Variants in POU2F1 observed in about 807,000 individuals in gnomAD.
POU2F1 encodes POU domain, class 2, transcription factor 1.
POU2F1 carries 16 observed loss-of-function variants against 84.9 expected under a neutral mutation model. The observed-to-expected ratio is 0.19, with a 90% CI of 0.13 to 0.29. The LOEUF is 0.29. Among genes scored for constraint, POU2F1 ranks in the 10% least tolerant of loss-of-function variants. POU2F1 has a pLI of 1.00. For missense variants in POU2F1, 738 were observed against 942.6 expected (o/e 0.78, Z 2.84); for synonymous variants, 368 against 368.3 (o/e 1.00, Z 0.01).
chr1:167,324,665 C>G (rs916561520), intron 1 of POU2F1, among the ~76,000 whole-genome samples: 1 of 152,174 alleles, frequency 6.6e-6, no homozygotes, highest in Admixed American at 6.5e-5. Context: ...CCAACCCCCA[C>G]CATACCTCGG....
intron 1 of POU2F1, among the ~76,000 whole-genome samples, chr1:167,224,941 G>A (rs1426019963): frequency 2.0e-5 from 3 of 149,374 alleles, no homozygotes; most frequent in African/African-American, 7.4e-5. Flanking sequence ...TGATTCTCCT[G>A]CCTCAGCCTC....
intron 13 of POU2F1, among the ~76,000 whole-genome samples, chr1:167,411,019 T>C (rs374122917): frequency 8.6e-4 from 131 of 152,180 alleles, no homozygotes; most frequent in African/African-American, 3.1e-3. Context: ...GGCACTTTTT[T>C]CTAAGACCTC....
At chr1:167,280,445 T>C (rs1653054118) in intron 1 of POU2F1, among the ~76,000 whole-genome samples, 1 of 151,860 alleles carries the variant, frequency 6.6e-6, no homozygotes. Flanking sequence ...CACTTCCCAC[T>C]AGTGAACATG....
Position 167,417,543 on chromosome 1 carries a change from T to A in POU2F1, c.*1733T>A, listed in dbSNP as rs571661781. 6.6e-6 allele frequency: 1 copy of A among 152,270 alleles called. No homozygotes were observed. Among genetic ancestry groups the A allele is most frequent in the African/African-American group, 2.4e-5 (1 of 41,550 alleles). 9.4% of individuals were successfully genotyped at this position (152,270 alleles called of 1,614,324 possible). A position where few individuals can be genotyped will look rare whatever the true frequency, so the allele number is the denominator to read the frequency against. Reference sequence around the variant, plus strand: ...TTGTTATGCCATCTGTACCAAAAAATTTTCCAAAAGACTGGATCACTGCAG... The same window carrying A: ...TTGTTATGCCATCTGTACCAAAAAAATTTCCAAAAGACTGGATCACTGCAG... On this transcript the variant is annotated 3_prime_UTR_variant, in exon 16 of 16. Coordinates refer to ENST00000367866, the MANE Select transcript of POU2F1 (RefSeq NM_002697.4).
intron 1 of POU2F1, among the ~76,000 whole-genome samples, chr1:167,233,138 A>C (rs955017874): frequency 7.1e-6 from 1 of 140,588 alleles, no homozygotes; most frequent in East Asian, 2.0e-4. Flanking sequence ...TTATTTTTTA[A>C]TTTTTTTTTT....
rs1218319911 is a variant in POU2F1 at position 167,368,143 on chromosome 1, A to G, written c.229-2018A>G. Among the ~76,000 whole-genome samples the G allele has an allele frequency of 2.0e-5, 3 of 152,134 alleles. No homozygotes were observed. In the East Asian group the frequency reaches 5.8e-4, roughly 29 times the overall value. ...AGTCCATACTTTGCGTTTAGCTGTC[A>G]TGTCTGTTAAGTCTTCTTCAATCCA... On this transcript the variant is annotated intron_variant, in intron 3 of 15. Transcript: ENST00000367866.
rs73022217 is a variant in POU2F1, at chr1:167,287,967, C to T, written c.62-44503C>T. On this transcript the variant is annotated intron_variant, in intron 1 of 15. Coordinates refer to ENST00000367866, the MANE Select transcript of POU2F1 (RefSeq NM_002697.4). ...AGTAGCGATGATGGAAGCCTAAAGA[C>T]GATCAAGTTATAAAATACTGAGAAA... Among the ~76,000 whole-genome samples, 1,444 of 152,280 alleles carry T rather than the reference C, an allele frequency of 9.5e-3. 30 individuals are homozygous for T. Among genetic ancestry groups the T allele is most frequent in the African/African-American group, 0.033 (1,353 of 41,546 alleles).
chr1:167,406,451 T>C (rs1051896566), intron 13 of POU2F1, among the ~76,000 whole-genome samples: 7 of 152,176 alleles, frequency 4.6e-5, no homozygotes, highest in Admixed American at 4.6e-4. Flanking sequence ...CCCACTAAGA[T>C]TGAGAATTAG....
chr1:167,244,548 A>G, intron 1 of POU2F1, among the ~76,000 whole-genome samples: 1 of 152,212 alleles, frequency 6.6e-6, no homozygotes, highest in East Asian at 1.9e-4. Flanking sequence ...ACCTAATTGC[A>G]GAAGTGACAT....
chr1:167,324,113 A>C (rs1485585617), intron 1 of POU2F1, among the ~76,000 whole-genome samples: 2 of 152,230 alleles, frequency 1.3e-5, no homozygotes, highest in Non-Finnish European at 2.9e-5. Flanking sequence ...ATTACTAAAA[A>C]ATACTGAATT....
chr1:167,407,241 G>C (rs1181394806), intron 13 of POU2F1, among the ~76,000 whole-genome samples: 1 of 151,956 alleles, frequency 6.6e-6, no homozygotes, highest in Non-Finnish European at 1.5e-5. Flanking sequence ...TATTGCCCAG[G>C]CTGGTCTCGA....
chr1:167,375,831 G>A (rs1204489376), intron 6 of POU2F1, among the ~76,000 whole-genome samples, 198 bp from the exon 7 acceptor site: 1 of 152,156 alleles, frequency 6.6e-6, no homozygotes, highest in Non-Finnish European at 1.5e-5. Flanking sequence ...CACAAAAATA[G>A]TCAGTTGCAG....
At chr1:167,236,103 T>G (rs1345107509) in intron 1 of POU2F1, among the ~76,000 whole-genome samples, 2 of 152,148 alleles carry the variant, frequency 1.3e-5, no homozygotes, top group Non-Finnish European at 2.9e-5. Flanking sequence ...TTACTCTAAT[T>G]TGGACATCTT....
At chr1:167,302,286 G>C (rs1571259593) in intron 1 of POU2F1, among the ~76,000 whole-genome samples, 1 of 148,520 alleles carries the variant, frequency 6.7e-6, no homozygotes, top group East Asian at 2.0e-4. Context: ...TTTTGAGACA[G>C]CATCTCACTG....
chr1:167,273,251 G>A (rs990168748), intron 1 of POU2F1, among the ~76,000 whole-genome samples: 5 of 152,280 alleles, frequency 3.3e-5, no homozygotes, highest in East Asian at 1.9e-4. Flanking sequence ...ACAGGCTGTC[G>A]TTGAGTGCAT....
intron 1 of POU2F1, among the ~76,000 whole-genome samples, chr1:167,321,319 G>A (rs34640500): frequency 0.1 from 15,322 of 152,146 alleles, 1,964 homozygotes; most frequent in African/African-American, 0.31. Flanking sequence ...GTTGTTTACC[G>A]CAGGAATTGT....
Position 167,332,458 on chromosome 1 carries a change from G to A in POU2F1, c.62-12G>A. ...TTTTTTAAAAACCTTATTCTCCTCT[G>A]ATTTATTGCAGACTCAAGAATGAAC... On this transcript the variant is annotated splice_polypyrimidine_tract_variant and intron_variant, in intron 1 of 15. Transcript: ENST00000367866. The A allele has an allele frequency of 1.2e-6, 2 of 1,602,550 alleles. No individual in the cohort carries two copies. Among genetic ancestry groups the A allele is most frequent in the South Asian group, 2.2e-5 (2 of 90,800 alleles).
At chr1:167,249,345 C>T (rs926977063) in intron 1 of POU2F1, among the ~76,000 whole-genome samples, 1 of 152,220 alleles carries the variant, frequency 6.6e-6, no homozygotes, top group Non-Finnish European at 1.5e-5. Flanking sequence ...TCATTCCCTC[C>T]TCATCCCATT....
At chr1:167,405,331 C>T (rs1170511936) in intron 13 of POU2F1, among the ~76,000 whole-genome samples, 1 of 151,650 alleles carries the variant, frequency 6.6e-6, no homozygotes. Context: ...AAGAAATAGA[C>T]AATTCAACAA....
Sources: gnomAD v4.1 joint callset for allele counts (sites outside exome capture counted in the v4.1 genomes callset) on GRCh38, gnomAD v4.1.1 for gene constraint, MANE v1.5 for transcripts, NCBI Gene and HGNC (gene_info 2026-07-23, HGNC 2026-07-21) for gene names.